Variants in PTPN12 observed in about 807,000 individuals in gnomAD.
The protein encoded by PTPN12 is tyrosine-protein phosphatase non-receptor type 12.
PTPN12 carries 29 observed loss-of-function variants against 97.6 expected under a neutral mutation model. The observed-to-expected ratio is 0.30, with a 90% CI of 0.22 to 0.41. The LOEUF (loss-of-function observed/expected upper bound fraction) is 0.41, where lower values mean the gene tolerates loss of function less well. PTPN12 is among the 10% of genes least tolerant of loss of function. PTPN12 has a pLI of 1.00. For missense variants in PTPN12, 819 were observed against 926.0 expected (o/e 0.88, Z 1.50); for synonymous variants, 327 against 300.4 (o/e 1.09, Z -0.91).
chr7:77,561,461 A>G (rs2151308356), intron 1 of PTPN12, among the ~76,000 whole-genome samples: 1 of 152,316 alleles, frequency 6.6e-6, no homozygotes, highest in South Asian at 2.1e-4. Context: ...TTCACCAGGA[A>G]GTGTAGTTTC....
intron 6 of PTPN12, among the ~76,000 whole-genome samples, chr7:77,596,988 G>GAATAGTGTATGCTCTA (rs140426350): frequency 0.23 from 35,441 of 151,980 alleles, 5,127 homozygotes; most frequent in East Asian, 0.7. Context: ...GTATCATACA[G>GAATAGTGTATGCTCTA]AATAGTGTCA....
chr7:77,633,553 G>A (rs1562765940), intron 14 of PTPN12, among the ~76,000 whole-genome samples: 1 of 151,368 alleles, frequency 6.6e-6, no homozygotes, highest in Admixed American at 6.6e-5. Context: ...AGGTTGGAGT[G>A]AGCCGAGACC....
In PTPN12 at chr7:77,626,911, A is replaced by T. The variant is rs1451738803; in HGVS notation, c.1232A>T (p.Lys411Ile). ...GCAGACCTCAACAGAAACTATAGTA[A>T]ATCAACAGAACTTCCAGGGAAAAAT... is the stretch of plus-strand genomic sequence containing the variant. ...HSADLNRNYS[K>I]STELPGKNES... Residue 411 changes from lysine (K) to isoleucine (I), a missense_variant, in exon 13 of 18, where the codon AAA (lysine) becomes ATA (isoleucine). By Grantham distance (102) the Lys-to-Ile change is moderately radical. Transcript: ENST00000248594. 6.2e-7 allele frequency: 1 copy of T among 1,609,882 alleles called. No individual in the cohort carries two copies. The highest frequency in any genetic ancestry group is 1.7e-5 in the Admixed American group (1 of 58,762).
intron 1 of PTPN12, among the ~76,000 whole-genome samples, chr7:77,563,022 A>G (rs985509667): frequency 2.0e-5 from 3 of 151,104 alleles, no homozygotes; most frequent in Non-Finnish European, 2.9e-5. Flanking sequence ...ATGATTTGCC[A>G]TATTTATTAT....
At chr7:77,619,622 G>A (rs1788865787) in intron 12 of PTPN12, among the ~76,000 whole-genome samples, 3 of 152,152 alleles carry the variant, frequency 2.0e-5, no homozygotes. Context: ...TTTAACTTTA[G>A]CATTTGCCAC....
rs756342410 is a variant in PTPN12 at position 77,583,662 on chromosome 7, A to G, written c.381+12A>G. On this transcript the variant is annotated intron_variant, in intron 4 of 17. Coordinates refer to ENST00000248594, the MANE Select transcript of PTPN12 (RefSeq NM_002835.4). ...AGTATAATGTTGTGGTAAGTAATTT[A>G]CTTTTCACAATAAATTTTGAGAAAT... 1 of 1,489,876 alleles carries G rather than the reference A, an allele frequency of 6.7e-7. No individual in the cohort carries two copies. The highest frequency in any genetic ancestry group is 9.2e-7 in the Non-Finnish European group (1 of 1,082,826). 92.3% of individuals were successfully genotyped at this position (1,489,876 alleles called of 1,614,324 possible). A position where few individuals can be genotyped will look rare whatever the true frequency, so the allele number is the denominator to read the frequency against.
At chr7:77,543,345 T>A (rs953053458) in intron 1 of PTPN12, among the ~76,000 whole-genome samples, 1 of 17,620 alleles carries the variant, frequency 5.7e-5, no homozygotes, top group African/African-American at 6.6e-4. Flanking sequence ...TTCCACTGCC[T>A]TTTTTTTTTT....
At chr7:77,545,176 C>G (rs560410880) in intron 1 of PTPN12, among the ~76,000 whole-genome samples, 2 of 152,192 alleles carry the variant, frequency 1.3e-5, no homozygotes, top group South Asian at 4.1e-4. Flanking sequence ...ATCAAGATAT[C>G]ATGTCATCGG....
At chr7:77,544,672 G>A (rs796235245) in intron 1 of PTPN12, among the ~76,000 whole-genome samples, 10 of 152,304 alleles carry the variant, frequency 6.6e-5, no homozygotes, top group African/African-American at 2.2e-4. Context: ...GTAGCACTGA[G>A]TTCATTAGAT....
chr7:77,632,965 A>G (rs7796650), intron 14 of PTPN12, among the ~76,000 whole-genome samples: 21,082 of 152,020 alleles, frequency 0.14, 1,549 homozygotes, highest in African/African-American at 0.18. Context: ...CAAAAAGTAA[A>G]TAAATAAATA....
At chr7:77,638,518 A>G in intron 16 of PTPN12, 106 bp from the exon 17 acceptor site, 5 of 1,331,872 alleles carry the variant, frequency 3.8e-6, no homozygotes, top group Non-Finnish European at 4.8e-6. Flanking sequence ...CCCAGGAGAG[A>G]AAGTTTTCTC....
intron 13 of PTPN12, among the ~76,000 whole-genome samples, chr7:77,627,971 T>G (rs1240873042): frequency 6.6e-6 from 1 of 152,204 alleles, no homozygotes; most frequent in East Asian, 1.9e-4. Flanking sequence ...GGTCAAAAAT[T>G]TATCTGACTG....
At chr7:77,599,563 G>A (rs1409994997) in intron 7 of PTPN12, among the ~76,000 whole-genome samples, 2 of 151,922 alleles carry the variant, frequency 1.3e-5, no homozygotes, top group African/African-American at 4.8e-5. Context: ...CAAAGTGTTG[G>A]GATTACAGAT....
Position 77,610,756 on chromosome 7 carries a change from C to T in PTPN12, c.763-9C>T, listed in dbSNP as rs1050156333. On this transcript the variant is annotated splice_polypyrimidine_tract_variant and intron_variant, in intron 9 of 17. Coordinates refer to ENST00000248594, the MANE Select transcript of PTPN12 (RefSeq NM_002835.4). ...ACACAAAGTTGATGTATTAAATTTT[C>T]TGTTTTAGAAAATACCAGAGGAATT... The T allele has an allele frequency of 1.3e-6, 2 of 1,582,092 alleles. No homozygotes were observed. The highest frequency in any genetic ancestry group is 1.7e-6 in the Non-Finnish European group (2 of 1,167,910).
intron 13 of PTPN12, 25 bp from the exon 14 acceptor site, chr7:77,632,323 C>G (rs1789426211): frequency 2.7e-6 from 4 of 1,508,176 alleles, no homozygotes; most frequent in Non-Finnish European, 2.8e-6. Context: ...GTTAATTTGT[C>G]TAAATTTTTA....
chr7:77,568,752 A>C (rs1475792575), intron 1 of PTPN12, among the ~76,000 whole-genome samples: 1 of 152,060 alleles, frequency 6.6e-6, no homozygotes, highest in East Asian at 1.9e-4. Flanking sequence ...TTTGTACTAA[A>C]TTTTTTCTCG....
chr7:77,548,484 G>A (rs1466884467), intron 1 of PTPN12, among the ~76,000 whole-genome samples: 2 of 152,158 alleles, frequency 1.3e-5, no homozygotes, highest in Non-Finnish European at 2.9e-5. Flanking sequence ...GTGTTAGAAG[G>A]AACATAAAAA....
chr7:77,636,785 C>T, intron 15 of PTPN12: 1 of 358,532 alleles, frequency 2.8e-6, no homozygotes, highest in Non-Finnish European at 5.0e-6. Context: ...TATGTTCCTT[C>T]ATGCAGTAGC....
At chr7:77,595,293 A>C (rs1398051672) in intron 6 of PTPN12, among the ~76,000 whole-genome samples, 1 of 152,240 alleles carries the variant, frequency 6.6e-6, no homozygotes. Context: ...AAGAAAAATC[A>C]AATTTATAAA....
Sources: allele counts gnomAD v4.1 joint callset (sites outside exome capture counted in the v4.1 genomes callset), GRCh38; gene constraint gnomAD v4.1.1; transcripts MANE v1.5; gene names NCBI Gene and HGNC (gene_info 2026-07-23, HGNC 2026-07-21).